ADAMTS12: variants seen among roughly 807,000 people sequenced by gnomAD.
ADAMTS12 encodes the protein A disintegrin and metalloproteinase with thrombospondin motifs 12.
In ADAMTS12, 118 loss-of-function variants were observed where a neutral mutation model predicts 167.8. That is an observed-to-expected ratio of 0.70 (90% CI 0.61 to 0.82). The LOEUF (loss-of-function observed/expected upper bound fraction) is 0.82, where lower values mean the gene tolerates loss of function less well. ADAMTS12 is among the 40% of genes least tolerant of loss of function. ADAMTS12 has a pLI of 0.00. For synonymous variants in ADAMTS12, 704 were observed against 716.9 expected (o/e 0.98, Z 0.29); for missense variants, 1,916 against 1,998.8 (o/e 0.96, Z 0.79).
At chr5:33,873,940 G>A (rs1179022562) in intron 2 of ADAMTS12, among the ~76,000 whole-genome samples, 2 of 152,086 alleles carry the variant, frequency 1.3e-5, no homozygotes, top group Admixed American at 6.6e-5. Context: ...CTGGATGACA[G>A]AGTTAAATGT....
intron 2 of ADAMTS12, among the ~76,000 whole-genome samples, chr5:33,824,302 G>A (rs912526819): frequency 2.6e-5 from 4 of 152,130 alleles, no homozygotes; most frequent in Admixed American, 6.5e-5. Context: ...GCCAGAAGAC[G>A]GGAACAGAAA....
intron 2 of ADAMTS12, among the ~76,000 whole-genome samples, chr5:33,867,139 A>G (rs1436222221): frequency 6.6e-6 from 1 of 152,196 alleles, no homozygotes; most frequent in East Asian, 1.9e-4. Flanking sequence ...AAGTCATCAT[A>G]TAAAAAAGAC....
At chr5:33,749,134 CTT>C (rs1744889184) in intron 3 of ADAMTS12, among the ~76,000 whole-genome samples, 1 of 152,164 alleles carries the variant, frequency 6.6e-6, no homozygotes, top group Non-Finnish European at 1.5e-5. Flanking sequence ...ATGAAATACT[CTT>C]TGTCAGTTCC....
At chr5:33,826,220 T>G (rs1350342583) in intron 2 of ADAMTS12, among the ~76,000 whole-genome samples, 2 of 152,124 alleles carry the variant, frequency 1.3e-5, no homozygotes, top group Non-Finnish European at 2.9e-5. Context: ...TATATTCAAT[T>G]TATGCATCTT....
At chr5:33,804,091 A>G (rs996533017) in intron 2 of ADAMTS12, among the ~76,000 whole-genome samples, 2 of 152,210 alleles carry the variant, frequency 1.3e-5, no homozygotes, top group Non-Finnish European at 2.9e-5. Flanking sequence ...ATGGGCTATT[A>G]TAAGGACCGA....
chr5:33,802,806 T>C (rs1329275937), intron 2 of ADAMTS12, among the ~76,000 whole-genome samples: 2 of 152,052 alleles, frequency 1.3e-5, no homozygotes, highest in East Asian at 1.9e-4. Flanking sequence ...GGAGACGTAA[T>C]ACAGTTGCTA....
chr5:33,786,508 A>G (rs1746330372), intron 2 of ADAMTS12, among the ~76,000 whole-genome samples: 1 of 151,826 alleles, frequency 6.6e-6, no homozygotes, highest in African/African-American at 2.4e-5. Context: ...TGGAATAAAT[A>G]TTAGAAGTTG....
Position 33,684,016 on chromosome 5 carries a change from TC to T in ADAMTS12, c.673del (p.Glu225ArgfsTer34). 3 of 1,599,478 alleles carry T rather than the reference TC, an allele frequency of 1.9e-6. No individual in the cohort carries two copies. The highest frequency in any genetic ancestry group is 1.7e-6 in the Non-Finnish European group (2 of 1,172,762). Reference sequence around the variant, plus strand: ...TGGCAAGTTGTGCCTCTCCCACTTCTCCCGCCATAGCTCTTGCTTCTGGGAG... The same window carrying T: ...TGGCAAGTTGTGCCTCTCCCACTTCTCCGCCATAGCTCTTGCTTCTGGGAG... ...NISQKQELWR[E>X]KWERHNLPSR... is the part of the protein sequence containing the mutation. On this transcript the variant is annotated frameshift_variant, in exon 4 of 24. Coordinates refer to ENST00000504830, the MANE Select transcript of ADAMTS12 (RefSeq NM_030955.4). LOFTEE classifies it high-confidence loss of function.
chr5:33,536,605 G>GAATTCCA (rs1744422155), intron 22 of ADAMTS12, among the ~76,000 whole-genome samples: 1 of 149,852 alleles, frequency 6.7e-6, no homozygotes, highest in African/African-American at 2.5e-5. Context: ...AGATCATAGA[G>GAATTCCA]GTTACGAGTG....
chr5:33,699,013 C>G (rs565968438), intron 3 of ADAMTS12, among the ~76,000 whole-genome samples: 6 of 152,134 alleles, frequency 3.9e-5, no homozygotes, highest in African/African-American at 1.4e-4. Flanking sequence ...AAAAATTAGC[C>G]AGGTGTGGTG....
intron 3 of ADAMTS12, among the ~76,000 whole-genome samples, chr5:33,746,711 A>T (rs972783982): frequency 6.6e-6 from 1 of 152,224 alleles, no homozygotes; most frequent in African/African-American, 2.4e-5. Context: ...TCAATCAAAC[A>T]CTAATCTGGG....
At chr5:33,891,580 C>T in intron 1 of ADAMTS12, 150 bp downstream of exon 1, 1 of 1,175,808 alleles carries the variant, frequency 8.5e-7, no homozygotes, top group Non-Finnish European at 1.2e-6. Context: ...GCCTAGGCTC[C>T]TGAGGTCCCA....
intron 3 of ADAMTS12, among the ~76,000 whole-genome samples, chr5:33,737,838 C>T (rs1561244052): frequency 6.6e-6 from 1 of 152,218 alleles, no homozygotes; most frequent in East Asian, 1.9e-4. Context: ...TTTCGAATTG[C>T]AGTTTTCAGG....
At chr5:33,635,054 G>A (rs753786449) in intron 12 of ADAMTS12, among the ~76,000 whole-genome samples, 1 of 152,076 alleles carries the variant, frequency 6.6e-6, no homozygotes, top group Non-Finnish European at 1.5e-5. Flanking sequence ...TAGGGTAAGT[G>A]CAGTAATGAG....
Position 33,526,195 on chromosome 5 carries a change from G to C in ADAMTS12, c.*993C>G, listed in dbSNP as rs181835063. On this transcript the variant is annotated 3_prime_UTR_variant, in exon 24 of 24. Coordinates refer to ENST00000504830, the MANE Select transcript of ADAMTS12 (RefSeq NM_030955.4). ...ATGGAACCTCCATTTTCCAACCTGA[G>C]AAGAGGTGAGGACAGGTGGCAGCCC... The C allele has an allele frequency of 2.0e-5, 3 of 152,296 alleles. No individual in the cohort carries two copies. In the East Asian group the frequency reaches 5.8e-4, roughly 29 times the overall value. 9.4% of individuals were successfully genotyped at this position (152,296 alleles called of 1,614,324 possible).
At chr5:33,662,121 GGTGTCCAA>G (rs1741281785) in intron 5 of ADAMTS12, 81 bp from the exon 6 acceptor site, 12 of 1,552,072 alleles carry the variant, frequency 7.7e-6, no homozygotes, top group African/African-American at 2.7e-5. Context: ...CATCTCCAGA[GGTGTCCAA>G]GTGAGATGAA....
intron 2 of ADAMTS12, among the ~76,000 whole-genome samples, chr5:33,842,856 A>G (rs1033636821): frequency 1.3e-5 from 2 of 152,226 alleles, no homozygotes; most frequent in Admixed American, 1.3e-4. Context: ...TACAAAAGAC[A>G]GAGCCAGACT....
chr5:33,609,776 G>T (rs180717874), intron 16 of ADAMTS12, among the ~76,000 whole-genome samples: 1 of 152,098 alleles, frequency 6.6e-6, no homozygotes, highest in Admixed American at 6.5e-5. Flanking sequence ...TTTTCTTGTG[G>T]CCTCTATGCA....
chr5:33,871,580 T>C (rs182307979), intron 2 of ADAMTS12, among the ~76,000 whole-genome samples: 3 of 150,568 alleles, frequency 2.0e-5, no homozygotes, highest in Non-Finnish European at 3.0e-5. Flanking sequence ...CCACCTTAGG[T>C]AACTAGAAAA....
Sources: allele counts gnomAD v4.1 joint callset (sites outside exome capture counted in the v4.1 genomes callset), GRCh38; gene constraint gnomAD v4.1.1; transcripts MANE v1.5; gene names NCBI Gene and HGNC (gene_info 2026-07-23, HGNC 2026-07-21).